ZC3H11B: variants seen among roughly 807,000 people sequenced by gnomAD.
The protein encoded by ZC3H11B is zinc finger CCCH domain-containing protein 11B.
In ZC3H11B, 3 loss-of-function variants were observed where a neutral mutation model predicts 34.0. The ratio of observed to expected loss-of-function variants is 0.09; its 90% CI spans 0.04 to 0.23. The LOEUF is 0.23. Among genes scored for constraint, ZC3H11B ranks in the 10% least tolerant of loss-of-function variants. ZC3H11B has a pLI of 1.00. For missense variants in ZC3H11B, 99 were observed against 660.1 expected (o/e 0.15, Z 9.31); for synonymous variants, 33 against 250.1 (o/e 0.13, Z 8.19).
chr1:219,611,916 C>A (rs1399062701), exon 2 of ZC3H11B: 3 of 854,228 alleles, frequency 3.5e-6, no homozygotes, highest in East Asian at 2.7e-5. Context: ...GAAACCTGCA[C>A]ACCCGTCGAA....
exon 2 of ZC3H11B, chr1:219,611,199 T>C: frequency 6.2e-7 from 1 of 1,611,880 alleles, no homozygotes. Flanking sequence ...CTGTCGAAAA[T>C]TTTCGTTTCC....
At chr1:219,610,153 G>A (rs1314707416) in exon 2 of ZC3H11B, 2 of 722,582 alleles carry the variant, frequency 2.8e-6, no homozygotes, top group Non-Finnish European at 4.7e-6. Context: ...GGTCTGTGCT[G>A]ACCATTTCAC....
chr1:219,609,401 T>C (rs1015523645), exon 2 of ZC3H11B: 22 of 517,318 alleles, frequency 4.3e-5, no homozygotes, highest in Non-Finnish European at 6.6e-5. Flanking sequence ...AACTTTTTTC[T>C]CAAAAGATGA....
Sources: gnomAD v4.1 joint callset for allele counts on GRCh38, gnomAD v4.1.1 for gene constraint, MANE v1.5 for transcripts, NCBI Gene and HGNC (gene_info 2026-07-23, HGNC 2026-07-21) for gene names.